Variants in TBCA observed in about 807,000 individuals in gnomAD.
The protein encoded by TBCA is tubulin-specific chaperone A.
In TBCA, 6 loss-of-function variants were observed where a neutral mutation model predicts 15.8. The ratio of observed to expected loss-of-function variants is 0.38; its 90% CI spans 0.21 to 0.75. The LOEUF is 0.75. Ranked by LOEUF, TBCA falls within the 30% of genes least tolerant of loss-of-function variation. The pLI is 0.46. For missense variants in TBCA, 90 were observed against 131.2 expected (o/e 0.69, Z 1.53); for synonymous variants, 32 against 42.3 (o/e 0.76, Z 0.94).
chr5:77,699,033 C>CAAAAAAAAAAAAAAA (rs71608119), intron 2 of TBCA, among the ~76,000 whole-genome samples: 13 of 70,082 alleles, frequency 1.9e-4, no homozygotes, highest in South Asian at 7.2e-4. Context: ...GCAAGAGCAT[C>CAAAAAAAAAAAAAAA]AAAAAAAAAA....
In TBCA at chr5:77,708,261, T is replaced by C. The variant is rs143917446; in HGVS notation, c.140A>G (p.Asn47Ser). The C allele has an allele frequency of 3.1e-4, 505 of 1,608,508 alleles. 4 individuals are homozygous for C. The East Asian group carries it at 0.01, about 32-fold the overall frequency. The change falls in exon 2 of 4, where the codon AAT (asparagine) becomes AGT (serine). Residue 47 changes from asparagine (N) to serine (S), a missense_variant. By Grantham distance (46) the Asn-to-Ser change is conservative. Transcript: ENST00000380377. The stretch of plus-strand genomic sequence containing the variant: ...TTTTACCTGCTTTTTAATGTCATAA[T>C]TTTCACCGTCTTCAGCTCTCATTTT... ...IEKMRAEDGE[N>S]YDIKKQAEIL...
intron 1 of TBCA, among the ~76,000 whole-genome samples, chr5:77,722,241 G>A (rs1211467007): frequency 6.6e-5 from 10 of 151,948 alleles, no homozygotes; most frequent in African/African-American, 4.8e-5. Context: ...TAACATTTGG[G>A]ATTAAACAAA....
At chr5:77,704,498 C>T (rs374833263) in intron 2 of TBCA, among the ~76,000 whole-genome samples, 2 of 152,242 alleles carry the variant, frequency 1.3e-5, no homozygotes, top group African/African-American at 4.8e-5. Flanking sequence ...TAGTGTTTAG[C>T]TCAGAAGAGG....
At chr5:77,763,026 G>A (rs780632635) in intron 1 of TBCA, among the ~76,000 whole-genome samples, 40 of 152,222 alleles carry the variant, frequency 2.6e-4, no homozygotes, top group African/African-American at 5.8e-4. Flanking sequence ...GGCGGATCAC[G>A]AGGTCAGGAG....
At chr5:77,761,540 T>C (rs1429834956) in intron 1 of TBCA, among the ~76,000 whole-genome samples, 2 of 151,910 alleles carry the variant, frequency 1.3e-5, no homozygotes, top group East Asian at 3.9e-4. Context: ...CCAGAGACCT[T>C]TGTTCACGTG....
intron 2 of TBCA, among the ~76,000 whole-genome samples, chr5:77,705,076 T>C (rs1034204838): frequency 6.6e-6 from 1 of 152,184 alleles, no homozygotes; most frequent in Admixed American, 6.5e-5. Flanking sequence ...CAGAATTCAG[T>C]AGTTAATCTT....
intron 1 of TBCA, among the ~76,000 whole-genome samples, chr5:77,758,119 T>C (rs756832020): frequency 2.0e-5 from 3 of 152,164 alleles, no homozygotes; most frequent in Non-Finnish European, 4.4e-5. Context: ...AGTGTGGCGT[T>C]TGACCTTTTG....
chr5:77,732,806 C>T (rs370781363), intron 1 of TBCA, among the ~76,000 whole-genome samples: 2 of 152,100 alleles, frequency 1.3e-5, no homozygotes, highest in Non-Finnish European at 1.5e-5. Context: ...CAAACTCAAT[C>T]GATGAATGTG....
intron 1 of TBCA, among the ~76,000 whole-genome samples, chr5:77,738,157 AT>A (rs1453135805): frequency 1.3e-5 from 2 of 152,200 alleles, no homozygotes; most frequent in Non-Finnish European, 2.9e-5. Flanking sequence ...CTCAACTCAC[AT>A]TTAATGGGGC....
At chr5:77,708,980 GTCTTT>G (rs1420383987) in intron 1 of TBCA, among the ~76,000 whole-genome samples, 5 of 129,674 alleles carry the variant, frequency 3.9e-5, no homozygotes, top group Admixed American at 1.6e-4. Context: ...TAATACAACT[GTCTTT>G]TTTTTTTTTT....
chr5:77,761,374 C>T (rs2112507659), intron 1 of TBCA, among the ~76,000 whole-genome samples: 2 of 152,278 alleles, frequency 1.3e-5, no homozygotes, highest in South Asian at 4.1e-4. Context: ...CTGTTGTCAA[C>T]TCAGGGTTAA....
rs1580145880 is a variant in TBCA at position 77,776,324 on chromosome 5, G to T, written c.-67C>A. ...GTAACCGTGGAGGGCGACGCGCAGAGGCTGCGGCTATTTAGGCGTGGTCGC... is the reference window on the plus strand; with the variant it reads ...GTAACCGTGGAGGGCGACGCGCAGATGCTGCGGCTATTTAGGCGTGGTCGC... On this transcript the variant is annotated 5_prime_UTR_variant, in exon 1 of 4. Coordinates refer to ENST00000380377, the MANE Select transcript of TBCA (RefSeq NM_004607.3). The T allele has an allele frequency of 6.5e-6, 10 of 1,539,420 alleles. No homozygotes were observed. The East Asian group carries it at 2.2e-4, about 34-fold the overall frequency.
At chr5:77,770,482 T>G (rs1018128932) in intron 1 of TBCA, among the ~76,000 whole-genome samples, 51 of 152,238 alleles carry the variant, frequency 3.4e-4, no homozygotes, top group African/African-American at 1.2e-3. Flanking sequence ...CCTGGGACTT[T>G]CCCAGTTTTA....
chr5:77,725,675 T>C (rs752433016), intron 1 of TBCA, among the ~76,000 whole-genome samples: 2 of 152,228 alleles, frequency 1.3e-5, no homozygotes, highest in Non-Finnish European at 2.9e-5. Flanking sequence ...TCCTCCGTAA[T>C]GTGTGTTGCT....
chr5:77,713,913 T>TTA (rs1746338283), intron 1 of TBCA, among the ~76,000 whole-genome samples: 1 of 148,368 alleles, frequency 6.7e-6, no homozygotes, highest in African/African-American at 2.5e-5. Flanking sequence ...ATTTTTTTTT[T>TTA]AAAAGAATAA....
At chr5:77,716,281 A>G (rs58783053) in intron 1 of TBCA, among the ~76,000 whole-genome samples, 2,517 of 152,316 alleles carry the variant, frequency 0.017, 65 homozygotes, top group African/African-American at 0.057. Flanking sequence ...CTGATGAAAG[A>G]AGTTAGGTTG....
At position 77,760,999 on chromosome 5, in the gene TBCA, C is replaced by A. The variant is rs182809327; in HGVS notation, c.53+15206G>T. Among the ~76,000 whole-genome samples, 571 of 151,298 alleles carry A rather than the reference C, an allele frequency of 3.8e-3. 5 individuals are homozygous for A. Among genetic ancestry groups the A allele is most frequent in the African/African-American group, 0.012 (482 of 41,270 alleles). ...GAGGAGCGCCTCTGCCCGGCCGCCA[C>A]CCCGTCTGGGAAGTGAGGAGCACCT... is the stretch of plus-strand genomic sequence containing the variant. On this transcript the variant is annotated intron_variant, in intron 1 of 3. Transcript: ENST00000380377.
intron 3 of TBCA, chr5:77,692,109 G>GATT: frequency 1.0e-6 from 1 of 982,420 alleles, no homozygotes; most frequent in Non-Finnish European, 1.2e-6. Context: ...ATATTGTAAT[G>GATT]ATAACAGACA....
At chr5:77,711,622 G>T (rs952614029) in intron 1 of TBCA, among the ~76,000 whole-genome samples, 3 of 152,018 alleles carry the variant, frequency 2.0e-5, no homozygotes, top group African/African-American at 7.2e-5. Flanking sequence ...CAATTCTGAA[G>T]CAGAAAAAAA....
Sources: allele counts gnomAD v4.1 joint callset (sites outside exome capture counted in the v4.1 genomes callset), GRCh38; gene constraint gnomAD v4.1.1; transcripts MANE v1.5; gene names NCBI Gene and HGNC (gene_info 2026-07-23, HGNC 2026-07-21).